Variants in COL14A1 observed in about 807,000 individuals in gnomAD.
The protein encoded by COL14A1 is collagen type XIV alpha 1 chain.
A neutral mutation model predicts 230.3 loss-of-function variants in COL14A1; 136 were observed. The observed-to-expected ratio is 0.59, with a 90% CI of 0.51 to 0.68. The LOEUF is 0.68. Among genes scored for constraint, COL14A1 ranks in the 30% least tolerant of loss-of-function variants. The pLI, the probability that COL14A1 is intolerant of heterozygous loss-of-function variation, is 0.00. For synonymous variants in COL14A1, 792 were observed against 784.1 expected (o/e 1.01, Z -0.17); for missense variants, 1,976 against 2,215.8 (o/e 0.89, Z 2.17).
At chr8:120,337,404 A>T (rs1260601188) in intron 42 of COL14A1, among the ~76,000 whole-genome samples, 4 of 41,672 alleles carry the variant, frequency 9.6e-5, no homozygotes, top group African/African-American at 3.6e-4. Context: ...TCAAAATTAA[A>T]AAAAAAAAAA....
chr8:120,356,627 G>A (rs1352131502), intron 45 of COL14A1, among the ~76,000 whole-genome samples: 1 of 151,724 alleles, frequency 6.6e-6, no homozygotes, highest in Non-Finnish European at 1.5e-5. Context: ...TTTAATTTCA[G>A]TTGTAATTAG....
intron 13 of COL14A1, among the ~76,000 whole-genome samples, chr8:120,212,803 C>T (rs1395740795): frequency 1.3e-5 from 2 of 152,124 alleles, no homozygotes; most frequent in Non-Finnish European, 2.9e-5. Flanking sequence ...ATAATTCCAC[C>T]TATGTCTTTC....
At chr8:120,211,854 GA>G (rs556895496) in intron 12 of COL14A1, among the ~76,000 whole-genome samples, 400 of 152,330 alleles carry the variant, frequency 2.6e-3, no homozygotes, top group African/African-American at 9.1e-3. Flanking sequence ...CCAAGGGTCA[GA>G]AAAGGTGTTC....
Position 120,300,771 on chromosome 8 carries a change from T to C in COL14A1, c.4354T>C (p.Ser1452Pro). ...ESCPDLPHSC[S>P]CSETNEVALG... is the part of the protein sequence containing the mutation. ...TTGCCCAGACCTTCCCCATTCCTGC[T>C]CCTGTTCTGAAACCAATGAAGTGGC... Residue 1452 changes from serine (S) to proline (P), a missense_variant, in exon 36 of 48, where the codon TCC (serine) becomes CCC (proline). Transcript: ENST00000297848. The C allele has an allele frequency of 1.2e-6, 2 of 1,613,736 alleles. No homozygotes were observed. Among genetic ancestry groups the C allele is most frequent in the Non-Finnish European group, 1.7e-6 (2 of 1,179,706 alleles).
chr8:120,270,519 A>T (rs1251612432), intron 26 of COL14A1, among the ~76,000 whole-genome samples: 1 of 151,800 alleles, frequency 6.6e-6, no homozygotes, highest in Non-Finnish European at 1.5e-5. Context: ...GAAAAGGTTA[A>T]GGTCACACCT....
chr8:120,141,880 T>G (rs1001808185), intron 1 of COL14A1, among the ~76,000 whole-genome samples: 1 of 152,162 alleles, frequency 6.6e-6, no homozygotes, highest in Non-Finnish European at 1.5e-5. Flanking sequence ...GGGTATCTTT[T>G]AACATTTTTT....
intron 43 of COL14A1, 61 bp downstream of exon 43, chr8:120,341,421 G>A (rs1822294980): frequency 3.9e-6 from 6 of 1,526,046 alleles, no homozygotes; most frequent in Non-Finnish European, 5.4e-6. Context: ...CATTGCATAA[G>A]CCTGATAAAG....
intron 42 of COL14A1, among the ~76,000 whole-genome samples, chr8:120,339,739 A>T (rs944909309): frequency 4.1e-5 from 6 of 147,338 alleles, no homozygotes; most frequent in South Asian, 2.2e-4. Flanking sequence ...CATCATGTTT[A>T]AAAAAAAAAA....
chr8:120,130,046 A>G (rs1814477539), intron 1 of COL14A1, among the ~76,000 whole-genome samples: 1 of 152,216 alleles, frequency 6.6e-6, no homozygotes, highest in Non-Finnish European at 1.5e-5. Flanking sequence ...TGAAGGATCA[A>G]GTTTGGTGCT....
chr8:120,227,873 TG>T (rs772289726), intron 17 of COL14A1, among the ~76,000 whole-genome samples: 12 of 152,204 alleles, frequency 7.9e-5, no homozygotes, highest in Non-Finnish European at 1.8e-4. Flanking sequence ...TGCCTTTGCC[TG>T]GGTTCCCTGG....
At position 120,315,979 on chromosome 8, in the gene COL14A1, T is replaced by G; in HGVS notation, c.4641T>G (p.Asp1547Glu). 6.2e-7 allele frequency: 1 copy of G among 1,614,108 alleles called. No individual in the cohort carries two copies. The highest frequency in any genetic ancestry group is 8.5e-7 in the Non-Finnish European group (1 of 1,179,980). Residue 1547 changes from aspartate to glutamate, a missense_variant, in exon 40 of 48, where the codon GAT becomes GAG. Asp to Glu is a conservative substitution (Grantham distance 45). This residue lies in a region of COL14A1 where 1,791 missense variants were observed against 2,019.5 expected (regional missense o/e 0.89). Coordinates refer to ENST00000297848, the MANE Select transcript of COL14A1 (RefSeq NM_021110.4). ...GAGGCGTTGGTTCACCAGGACGTGATGGCTCACCAGGCCAGAGGGTAAGGT... is the reference window on the plus strand; with the variant it reads ...GAGGCGTTGGTTCACCAGGACGTGAGGGCTCACCAGGCCAGAGGGTAAGGT... ...IPGGVGSPGR[D>E]GSPGQRGLPG...
intron 42 of COL14A1, among the ~76,000 whole-genome samples, chr8:120,339,993 G>A (rs183331567): frequency 3.3e-4 from 49 of 149,378 alleles, no homozygotes; most frequent in African/African-American, 1.1e-3. Context: ...AGCTGAGATC[G>A]TGCCACTGCA....
chr8:120,348,847 T>C (rs571527982), intron 45 of COL14A1, among the ~76,000 whole-genome samples: 5 of 152,254 alleles, frequency 3.3e-5, no homozygotes, highest in Admixed American at 2.6e-4. Context: ...TATGCATGCA[T>C]GCAAATGTAT....
In COL14A1 at chr8:120,228,757, T is replaced by C. The variant is rs749350101; in HGVS notation, c.2185T>C (p.Ser729Pro). 1.5e-5 allele frequency: 25 copies of C among 1,613,762 alleles called. No homozygotes were observed. Among genetic ancestry groups the C allele is most frequent in the Non-Finnish European group, 5.1e-6 (6 of 1,179,846 alleles). The change falls in exon 18 of 48, where the codon TCT becomes CCT. Residue 729 changes from serine to proline, a missense_variant. Transcript: ENST00000297848. ...EPATTIVPTT[S>P]VTSVFQTGIR... ...AGCTACAACCATAGTGCCTACCACA[T>C]CTGTGACTTCAGGTAAGGTCAAATA... is the stretch of plus-strand genomic sequence containing the variant.
chr8:120,227,538 TA>T (rs1818137552), intron 17 of COL14A1, among the ~76,000 whole-genome samples, 186 bp downstream of exon 17: 1 of 152,222 alleles, frequency 6.6e-6, no homozygotes, highest in African/African-American at 2.4e-5. Flanking sequence ...GCTTCCTAGA[TA>T]ATGATCAACA....
At position 120,316,916 on chromosome 8, in the gene COL14A1, G is replaced by A. The variant is rs184261789; in HGVS notation, c.4659+919G>A. ...ATGTGCACACTTACTTAGGTGTGGG[G>A]AGATTGTTAAGAGAAGAAGTTAGAG... On this transcript the variant is annotated intron_variant, in intron 40 of 47. Coordinates refer to ENST00000297848, the MANE Select transcript of COL14A1 (RefSeq NM_021110.4). 7.1e-4 allele frequency among the ~76,000 whole-genome samples: 108 copies of A among 152,300 alleles called. 1 individual carries two copies. Among genetic ancestry groups the A allele is most frequent in the Admixed American group, 6.9e-3 (106 of 15,294 alleles).
At chr8:120,330,998 C>A (rs1005820614) in intron 40 of COL14A1, among the ~76,000 whole-genome samples, 1 of 150,506 alleles carries the variant, frequency 6.6e-6, no homozygotes, top group Non-Finnish European at 1.5e-5. Flanking sequence ...CCACCTACTT[C>A]GGAGGCTGAG....
chr8:120,278,296 G>T (rs945671993), intron 27 of COL14A1, 62 bp downstream of exon 27: 293 of 1,530,032 alleles, frequency 1.9e-4, no homozygotes, highest in Non-Finnish European at 2.2e-4. Context: ...CTACTGAAAT[G>T]ACCTTTTATT....
At chr8:120,279,573 G>C (rs773516851) in intron 28 of COL14A1, among the ~76,000 whole-genome samples, 3 of 147,760 alleles carry the variant, frequency 2.0e-5, no homozygotes, top group Non-Finnish European at 4.5e-5. Flanking sequence ...AAAAAACTGA[G>C]ATAAGCTCAG....
Sources: allele counts gnomAD v4.1 joint callset (sites outside exome capture counted in the v4.1 genomes callset), GRCh38; gene constraint gnomAD v4.1.1; regional missense constraint gnomAD v4.1.1; transcripts MANE v1.5; gene names NCBI Gene and HGNC (gene_info 2026-07-23, HGNC 2026-07-21).